The following ZNF423 variants were observed in gnomAD, a reference collection of about 807,000 sequenced individuals.
The protein encoded by ZNF423 is Ebf-associated zinc finger protein.
ZNF423 carries 12 observed loss-of-function variants against 95.8 expected under a neutral mutation model. The ratio of observed to expected loss-of-function variants is 0.13; its 90% CI spans 0.08 to 0.20. The LOEUF (loss-of-function observed/expected upper bound fraction) is 0.20, where lower values mean the gene tolerates loss of function less well. ZNF423 is among the 10% of genes least tolerant of loss of function. ZNF423 has a pLI of 1.00. For synonymous variants in ZNF423, 749 were observed against 711.9 expected (o/e 1.05, Z -0.83); for missense variants, 1,316 against 1,737.1 (o/e 0.76, Z 4.31).
intron 5 of ZNF423, among the ~76,000 whole-genome samples, chr16:49,581,143 T>C (rs905990446): frequency 1.3e-5 from 2 of 148,838 alleles, no homozygotes; most frequent in African/African-American, 2.5e-5. Flanking sequence ...AGGCGGTATG[T>C]TCCTCCAGCC....
upstream of ZNF423, among the ~76,000 whole-genome samples, chr16:49,858,706 A>C (rs1164919385): frequency 1.9e-5 from 2 of 104,120 alleles, no homozygotes; most frequent in African/African-American, 3.9e-5. This position sits in a 1 kb window ranked among gnomAD's most constrained non-coding sequence, Gnocchi z 4.3. Flanking sequence ...GCCTTCCCGG[A>C]GGGAATAGGA....
intron 1 of ZNF423, among the ~76,000 whole-genome samples, chr16:49,834,183 G>A (rs368716921): frequency 3.9e-5 from 6 of 152,214 alleles, no homozygotes; most frequent in East Asian, 3.9e-4. Flanking sequence ...TGGGCTTAAG[G>A]CCCTGCAGTT....
Position 49,489,505 on chromosome 16 carries a change from C to T in ZNF423, c.*1770G>A, listed in dbSNP as rs986515185. 2 of 152,364 alleles carry T rather than the reference C, an allele frequency of 1.3e-5. No homozygotes were observed. Among genetic ancestry groups the T allele is most frequent in the African/African-American group, 4.8e-5 (2 of 41,592 alleles). 9.4% of individuals were successfully genotyped at this position (152,364 alleles called of 1,614,324 possible). ...CTGGCAGGGTCTGCTCTATGATTCA[C>T]ATATGTAAGATGCCTTTTGAAAAAC... On this transcript the variant is annotated 3_prime_UTR_variant, in exon 8 of 8. Transcript: ENST00000563137.
chr16:49,854,037 AT>A (rs1423661203), intron 1 of ZNF423: 1 of 985,218 alleles, frequency 1.0e-6, no homozygotes, highest in Admixed American at 6.1e-5. Context: ...GAAATCCAGT[AT>A]TATTTCAAGC....
At chr16:49,699,027 C>A (rs1033563960) in intron 3 of ZNF423, among the ~76,000 whole-genome samples, 1 of 152,190 alleles carries the variant, frequency 6.6e-6, no homozygotes, top group African/African-American at 2.4e-5. Context: ...TAACCAAAAT[C>A]AATGTGCACT....
chr16:49,644,020 C>G (rs775737090), intron 3 of ZNF423, among the ~76,000 whole-genome samples: 1 of 152,230 alleles, frequency 6.6e-6, no homozygotes, highest in Non-Finnish European at 1.5e-5. Context: ...CTCATCTAGG[C>G]TGAGCAGTGC....
chr16:49,507,963 T>C (rs965734650), intron 7 of ZNF423, among the ~76,000 whole-genome samples: 2 of 152,146 alleles, frequency 1.3e-5, no homozygotes, highest in African/African-American at 4.8e-5. Flanking sequence ...CAGGCCTGAT[T>C]TATAGAAAAA....
At chr16:49,781,771 C>T (rs1327480523) in intron 2 of ZNF423, among the ~76,000 whole-genome samples, 1 of 152,150 alleles carries the variant, frequency 6.6e-6, no homozygotes, top group Non-Finnish European at 1.5e-5. Context: ...GGAGCAGGGA[C>T]CCTGACCATT....
At chr16:49,678,748 A>G (rs905260309) in intron 3 of ZNF423, among the ~76,000 whole-genome samples, 18 of 152,130 alleles carry the variant, frequency 1.2e-4, no homozygotes, top group African/African-American at 4.3e-4. Flanking sequence ...ATTTTCAAAG[A>G]TCTCACAGAG....
At chr16:49,678,118 G>T (rs900589134) in intron 3 of ZNF423, among the ~76,000 whole-genome samples, 1 of 152,046 alleles carries the variant, frequency 6.6e-6, no homozygotes, top group African/African-American at 2.4e-5. Flanking sequence ...GGGAGGTGAA[G>T]GTTGCAGTGA....
At chr16:49,523,570 A>G in intron 7 of ZNF423, 54 bp downstream of exon 7, 1 of 1,500,642 alleles carries the variant, frequency 6.7e-7, no homozygotes. Context: ...GTCGGTGCTG[A>G]CGGGGGAACC....
chr16:49,614,889 G>A (rs1299951731), intron 5 of ZNF423, among the ~76,000 whole-genome samples: 2 of 152,182 alleles, frequency 1.3e-5, no homozygotes. Context: ...CCAGCACTTT[G>A]GGAGGCTCTG....
In ZNF423 at chr16:49,658,305, G is replaced by C. The variant is rs563414638; in HGVS notation, c.302-19431C>G. On this transcript the variant is annotated intron_variant, in intron 3 of 7. Transcript: ENST00000563137. ...CGTGCCTGGCCAGAGGCAGGCAGGA[G>C]AGAAGAGGTGGGCTGGGCGCTGCAA... 6.6e-5 allele frequency among the ~76,000 whole-genome samples: 10 copies of C among 152,172 alleles called. No individual in the cohort carries two copies. In the East Asian group the frequency reaches 1.9e-3, roughly 30 times the overall value.
upstream of ZNF423, among the ~76,000 whole-genome samples, chr16:49,857,163 G>T (rs2035380359): frequency 6.6e-6 from 1 of 150,486 alleles, no homozygotes; most frequent in African/African-American, 2.4e-5. The surrounding 1 kb of genome is among the most constrained non-coding windows in gnomAD (Gnocchi z 6.2). Context: ...GTGAGGAGCG[G>T]AGTCCCGGCG....
intron 5 of ZNF423, among the ~76,000 whole-genome samples, chr16:49,598,092 A>G (rs1201548868): frequency 2.6e-5 from 4 of 152,080 alleles, no homozygotes; most frequent in Non-Finnish European, 5.9e-5. Flanking sequence ...CCTGGGTAGT[A>G]TCTGCTTCCT....
intron 2 of ZNF423, among the ~76,000 whole-genome samples, chr16:49,736,477 C>T (rs895890409): frequency 2.0e-5 from 3 of 152,160 alleles, no homozygotes; most frequent in African/African-American, 7.2e-5. Flanking sequence ...AATAACAAAA[C>T]CTTTCACCTC....
chr16:49,646,166 T>G (rs1316123716), intron 3 of ZNF423, among the ~76,000 whole-genome samples: 1 of 152,200 alleles, frequency 6.6e-6, no homozygotes, highest in African/African-American at 2.4e-5. Context: ...GGAGAGCCAG[T>G]CAGTGTTTCC....
At chr16:49,639,533 G>A (rs888630241) in intron 3 of ZNF423, among the ~76,000 whole-genome samples, 1 of 152,182 alleles carries the variant, frequency 6.6e-6, no homozygotes, top group Non-Finnish European at 1.5e-5. Flanking sequence ...AGGGAACCTA[G>A]GGCACTGAAG....
chr16:49,617,683 G>A (rs1355385691), intron 5 of ZNF423, among the ~76,000 whole-genome samples: 1 of 151,972 alleles, frequency 6.6e-6, no homozygotes, highest in African/African-American at 2.4e-5. Context: ...AATACTTCCT[G>A]TTACCTTTGG....
Sources: allele counts gnomAD v4.1 joint callset (sites outside exome capture counted in the v4.1 genomes callset), GRCh38; gene constraint gnomAD v4.1.1; non-coding constraint Gnocchi (gnomAD v3.1); transcripts MANE v1.5; gene names NCBI Gene and HGNC (gene_info 2026-07-23, HGNC 2026-07-21).